PRDM16: variants seen among roughly 807,000 people sequenced by gnomAD.
The protein encoded by PRDM16 is PR/SET domain 16.
In PRDM16, 23 loss-of-function variants were observed where a neutral mutation model predicts 110.6. The ratio of observed to expected loss-of-function variants is 0.21; its 90% CI spans 0.15 to 0.29. The LOEUF (loss-of-function observed/expected upper bound fraction) is 0.29. PRDM16 is among the 10% of genes least tolerant of loss of function. PRDM16 has a pLI of 1.00. For synonymous variants in PRDM16, 799 were observed against 781.8 expected (o/e 1.02, Z -0.37); for missense variants, 1,615 against 1,794.3 (o/e 0.90, Z 1.81).
chr1:3,162,774 G>A (rs1448570466), intron 1 of PRDM16, among the ~76,000 whole-genome samples: 6 of 152,236 alleles, frequency 3.9e-5, no homozygotes, highest in Non-Finnish European at 7.3e-5. Flanking sequence ...ACGCCTGTGC[G>A]ACCATCGAAG....
At chr1:3,130,458 G>A (rs1643309332) in intron 1 of PRDM16, among the ~76,000 whole-genome samples, 1 of 152,180 alleles carries the variant, frequency 6.6e-6, no homozygotes, top group Non-Finnish European at 1.5e-5. Flanking sequence ...ATGGGGCTTT[G>A]GAAACATGTG....
Position 3,069,295 on chromosome 1 carries a change from A to C in PRDM16, c.36A>C (p.Lys12Asn). The C allele has an allele frequency of 6.6e-7, 1 of 1,517,098 alleles. No individual in the cohort carries two copies. Among genetic ancestry groups the C allele is most frequent in the Non-Finnish European group, 8.9e-7 (1 of 1,128,030 alleles). 94.0% of individuals were successfully genotyped at this position (1,517,098 alleles called of 1,614,324 possible). A position where few individuals can be genotyped will look rare whatever the true frequency, so the allele number is the denominator to read the frequency against. ...RSKARARKLA[K>N]SDGDVVNNMY... ...AGGCGAGGGCGAGGAAGCTAGCCAA[A>C]AGTAAGTCTCCCGCGCTCGGCCGCG... The change falls in exon 1 of 17, where the codon AAA becomes AAC. Residue 12 changes from lysine (K) to asparagine (N), a missense_variant and splice_region_variant. Coordinates refer to ENST00000270722, the MANE Select transcript of PRDM16 (RefSeq NM_022114.4). This position sits in a 1 kb window ranked among gnomAD's most constrained non-coding sequence, Gnocchi z 6.1.
chr1:3,078,855 G>A (rs1641955623), intron 1 of PRDM16, among the ~76,000 whole-genome samples: 1 of 152,246 alleles, frequency 6.6e-6, no homozygotes, highest in South Asian at 2.1e-4. Context: ...CTTCACCATG[G>A]CTCCCGTAGC....
intron 3 of PRDM16, among the ~76,000 whole-genome samples, chr1:3,266,340 G>A (rs976274828): frequency 3.3e-5 from 5 of 152,136 alleles, no homozygotes; most frequent in African/African-American, 1.2e-4. Context: ...AAGGCCGGCC[G>A]AGCACCCGTA....
intron 2 of PRDM16, among the ~76,000 whole-genome samples, chr1:3,212,295 T>TGGGGCTC (rs1638904823): frequency 6.6e-6 from 1 of 152,192 alleles, no homozygotes; most frequent in South Asian, 2.1e-4. Context: ...TTGTCCCCGC[T>TGGGGCTC]GGGGCTCGGG....
At chr1:3,110,293 T>G (rs1197817568) in intron 1 of PRDM16, among the ~76,000 whole-genome samples, 1 of 128,392 alleles carries the variant, frequency 7.8e-6, no homozygotes. Context: ...GGACACAGTG[T>G]CTGCGGCTCC....
chr1:3,209,956 G>A lies in PRDM16; in HGVS notation c.387+23482G>A, dbSNP rs1055716283. 1.1e-4 allele frequency among the ~76,000 whole-genome samples: 16 copies of A among 152,160 alleles called. No homozygotes were observed. The highest frequency in any genetic ancestry group is 2.7e-4 in the African/African-American group (11 of 41,440). On this transcript the variant is annotated intron_variant, in intron 2 of 16. Transcript: ENST00000270722. The surrounding 1 kb of genome is among the most constrained non-coding windows in gnomAD (Gnocchi z 4.6). ...ACTCTTACTTAACATGGAAAATATC[G>A]TAGCATTTTCTAGAGACATTTGCAG... is the stretch of plus-strand genomic sequence containing the variant.
rs550713363 is a variant in PRDM16 at position 3,136,589 on chromosome 1, G to A, written c.38-49536G>A. 7.9e-5 allele frequency among the ~76,000 whole-genome samples: 12 copies of A among 152,286 alleles called. No homozygotes were observed. The East Asian group carries it at 1.9e-3, about 25-fold the overall frequency. ...TGGGCCAGCTCCAAGGACTCTAAGG[G>A]AGTGGAGCCGCCCTTGCTTTCTGGG... On this transcript the variant is annotated intron_variant, in intron 1 of 16. Coordinates refer to ENST00000270722, the MANE Select transcript of PRDM16 (RefSeq NM_022114.4).
intron 1 of PRDM16, among the ~76,000 whole-genome samples, chr1:3,126,742 C>T (rs1353332152): frequency 6.6e-6 from 1 of 152,226 alleles, no homozygotes; most frequent in Non-Finnish European, 1.5e-5. Flanking sequence ...GGGCTCCCCA[C>T]TGGGCCTGGG....
At chr1:3,371,010 A>C in intron 3 of PRDM16, among the ~76,000 whole-genome samples, 1 of 145,254 alleles carries the variant, frequency 6.9e-6, no homozygotes, top group South Asian at 2.2e-4. Context: ...CTATTCATCC[A>C]TCCATCCACC....
intron 2 of PRDM16, among the ~76,000 whole-genome samples, chr1:3,235,314 A>G (rs1033958598): frequency 5.9e-5 from 9 of 152,120 alleles, no homozygotes; most frequent in Non-Finnish European, 5.9e-5. Context: ...AGGCTCTTGG[A>G]CTGGCCGCTG....
intron 14 of PRDM16, among the ~76,000 whole-genome samples, chr1:3,428,090 C>G (rs550619521): frequency 1.3e-5 from 2 of 152,278 alleles, no homozygotes; most frequent in East Asian, 3.9e-4. Flanking sequence ...CGGGGTGGGC[C>G]CAGGACCAGG....
intron 1 of PRDM16, among the ~76,000 whole-genome samples, chr1:3,171,823 T>G (rs757622231): frequency 3.9e-5 from 6 of 152,124 alleles, no homozygotes; most frequent in South Asian, 4.1e-4. Context: ...CTCGTCTCTG[T>G]GGCCACCCGG....
At chr1:3,344,269 A>G (rs1225348948) in intron 3 of PRDM16, among the ~76,000 whole-genome samples, 1 of 152,176 alleles carries the variant, frequency 6.6e-6, no homozygotes, top group Non-Finnish European at 1.5e-5. Flanking sequence ...GCCCAGGATC[A>G]CGTCACTGCC....
At chr1:3,234,839 T>C (rs565797509) in intron 2 of PRDM16, among the ~76,000 whole-genome samples, 11 of 152,382 alleles carry the variant, frequency 7.2e-5, no homozygotes, top group African/African-American at 2.4e-4. Context: ...TGATGGTGCC[T>C]GACACCCACC....
chr1:3,181,052 T>C (rs1165505592), intron 1 of PRDM16, among the ~76,000 whole-genome samples: 2 of 128,932 alleles, frequency 1.6e-5, no homozygotes, highest in East Asian at 2.3e-4. Flanking sequence ...ACACGCAGTC[T>C]TACACGCGGT....
chr1:3,077,975 G>A (rs1641936562), intron 1 of PRDM16, among the ~76,000 whole-genome samples: 1 of 152,214 alleles, frequency 6.6e-6, no homozygotes, highest in South Asian at 2.1e-4. Flanking sequence ...TCTGGCCCCT[G>A]CCACATGCAG....
At chr1:3,355,010 C>T (rs568216092) in intron 3 of PRDM16, among the ~76,000 whole-genome samples, 13 of 152,316 alleles carry the variant, frequency 8.5e-5, no homozygotes, top group African/African-American at 2.9e-4. Flanking sequence ...CTGTAGAGTG[C>T]TCTGTGGCTG....
At position 3,148,083 on chromosome 1, in the gene PRDM16, G is replaced by A. The variant is rs1643709987; in HGVS notation, c.38-38042G>A. ...AGTTCGGCCTTTGGCGTCTTCTCTC[G>A]GGGGCCCTCTGTCCGCCTCAGTTGC... On this transcript the variant is annotated intron_variant, in intron 1 of 16. Transcript: ENST00000270722. The surrounding 1 kb of genome is among the most constrained non-coding windows in gnomAD (Gnocchi z 5.0). Among the ~76,000 whole-genome samples the A allele has an allele frequency of 6.6e-6, 1 of 152,106 alleles. No individual in the cohort carries two copies. Among genetic ancestry groups the A allele is most frequent in the African/African-American group, 2.4e-5 (1 of 41,410 alleles).
Sources: gnomAD v4.1 joint callset for allele counts (sites outside exome capture counted in the v4.1 genomes callset) on GRCh38, gnomAD v4.1.1 for gene constraint, Gnocchi (gnomAD v3.1) non-coding constraint, MANE v1.5 for transcripts, NCBI Gene and HGNC (gene_info 2026-07-23, HGNC 2026-07-21) for gene names.